The following PTPRN2 variants were observed in gnomAD, a reference collection of about 807,000 sequenced individuals.
PTPRN2 encodes the protein protein tyrosine phosphatase receptor type N2.
In PTPRN2, 74 loss-of-function variants were observed where a neutral mutation model predicts 118.8. That is an observed-to-expected ratio of 0.62 (90% CI 0.52 to 0.76). The LOEUF is 0.76. PTPRN2 is among the 30% of genes least tolerant of loss of function. The probability of loss-of-function intolerance (pLI) is 0.00; values close to 1 mark genes in which losing one functional copy is unlikely to be tolerated. For missense variants in PTPRN2, 1,481 were observed against 1,394.4 expected (o/e 1.06, Z -0.99); for synonymous variants, 641 against 608.0 (o/e 1.05, Z -0.80).
rs1250267989 is a variant in PTPRN2 at position 157,784,257 on chromosome 7, G to C, written c.1789-101320C>G. ...GGCCTAGTTGGAAAGGCACCAACTA[G>C]GTCTCAGGAGGCCAAGTGGGGGGCC... On this transcript the variant is annotated intron_variant, in intron 12 of 22. Coordinates refer to ENST00000389418, the MANE Select transcript of PTPRN2 (RefSeq NM_002847.5). This position sits in a 1 kb window ranked among gnomAD's most constrained non-coding sequence, Gnocchi z 4.6. Among the ~76,000 whole-genome samples the C allele has an allele frequency of 6.6e-6, 1 of 152,148 alleles. No individual in the cohort carries two copies. The highest frequency in any genetic ancestry group is 1.5e-5 in the Non-Finnish European group (1 of 68,038).
At position 158,188,232 on chromosome 7, in the gene PTPRN2, ACGCTTGCCCCGCGATGGGGAAGGCCG is replaced by A. The variant is rs1563576600; in HGVS notation, c.549+4069_549+4094del. Among the ~76,000 whole-genome samples, 361 of 68,066 alleles carry A rather than the reference ACGCTTGCCCCGCGATGGGGAAGGCCG, an allele frequency of 5.3e-3. 14 individuals carry two copies. The highest frequency in any genetic ancestry group is 0.016 in the African/African-American group (342 of 20,994). The allele number at this position is 68,066 out of a possible 152,430, so 44.7% of individuals were successfully genotyped here. ...TCGCCGCCTGATGGGGAAGGCCGCCACGCTTGCCCCGCGATGGGGAAGGCCGCCACGCTCGCCCCCTGTATGGGGAA... is the reference window on the plus strand; with the variant it reads ...TCGCCGCCTGATGGGGAAGGCCGCCACCACGCTCGCCCCCTGTATGGGGAA... On this transcript the variant is annotated intron_variant, in intron 5 of 22. Transcript: ENST00000389418.
chr7:157,649,025 A>G (rs1288517285), intron 14 of PTPRN2, among the ~76,000 whole-genome samples: 2 of 138,922 alleles, frequency 1.4e-5, no homozygotes, highest in Non-Finnish European at 3.1e-5. Flanking sequence ...TTCACTGTGC[A>G]CTGAACTCGG....
chr7:158,336,470 C>G (rs1420391420), intron 2 of PTPRN2, among the ~76,000 whole-genome samples: 2 of 133,030 alleles, frequency 1.5e-5, no homozygotes, highest in African/African-American at 2.7e-5. Context: ...CACCCACACT[C>G]TCACCATAAG....
At chr7:158,522,203 A>G (rs1255910877) in intron 1 of PTPRN2, among the ~76,000 whole-genome samples, 1 of 79,206 alleles carries the variant, frequency 1.3e-5, no homozygotes, top group African/African-American at 5.8e-5. Context: ...GGTCCACGTC[A>G]CAATGGTGGA....
At chr7:158,296,519 G>C (rs1234533874) in intron 3 of PTPRN2, among the ~76,000 whole-genome samples, 2 of 152,230 alleles carry the variant, frequency 1.3e-5, no homozygotes, top group Non-Finnish European at 2.9e-5. Context: ...ATAAGGCAGA[G>C]GGTCTAATTG....
At chr7:158,044,170 C>G (rs1287717321) in intron 11 of PTPRN2, among the ~76,000 whole-genome samples, 2 of 152,172 alleles carry the variant, frequency 1.3e-5, no homozygotes, top group Non-Finnish European at 2.9e-5. Context: ...TAAAAGTCAG[C>G]AACTGAAGAA....
chr7:158,366,325 A>ACACC (rs1809509802), intron 2 of PTPRN2, among the ~76,000 whole-genome samples: 1 of 144,764 alleles, frequency 6.9e-6, no homozygotes, highest in South Asian at 2.2e-4. Flanking sequence ...AAATGCACAC[A>ACACC]CACACCCACA....
chr7:158,060,733 A>G (rs536744598), intron 11 of PTPRN2, among the ~76,000 whole-genome samples: 50 of 152,350 alleles, frequency 3.3e-4, no homozygotes, highest in African/African-American at 1.1e-3. Flanking sequence ...GCAGCCTGCT[A>G]GAGACATTGC....
chr7:157,925,515 C>A (rs537344052), intron 11 of PTPRN2, among the ~76,000 whole-genome samples: 1 of 152,372 alleles, frequency 6.6e-6, no homozygotes, highest in Admixed American at 6.5e-5. Flanking sequence ...GGGTCCCAAC[C>A]TGGCCTGGCC....
chr7:157,585,926 T>TGACC lies in PTPRN2; in HGVS notation c.2497-7790_2497-7787dup, dbSNP rs1800647592. 6.6e-6 allele frequency among the ~76,000 whole-genome samples: 1 copy of TGACC among 152,188 alleles called. No individual in the cohort carries two copies. Among genetic ancestry groups the TGACC allele is most frequent in the South Asian group, 2.1e-4 (1 of 4,832 alleles). The stretch of plus-strand genomic sequence containing the variant: ...ATTCCGCATGTGTGCGGCGAGAGAC[T>TGACC]GACCGACCATCTTTGCACTGTCCCA... On this transcript the variant is annotated intron_variant, in intron 17 of 22. Transcript: ENST00000389418. The surrounding 1 kb of genome is among the most constrained non-coding windows in gnomAD (Gnocchi z 5.2).
chr7:158,198,763 G>A (rs71545573), intron 4 of PTPRN2, among the ~76,000 whole-genome samples: 54 of 28,396 alleles, frequency 1.9e-3, no homozygotes, highest in African/African-American at 3.7e-3. Context: ...GGCTTCTCAG[G>A]TCCTCCTTAG....
intron 12 of PTPRN2, among the ~76,000 whole-genome samples, chr7:157,752,551 T>C (rs1801541104): frequency 6.6e-6 from 1 of 152,194 alleles, no homozygotes; most frequent in African/African-American, 2.4e-5. Context: ...TCTGCTTCCC[T>C]GTTTCCAGCT....
At chr7:158,352,198 A>T (rs1436070437) in intron 2 of PTPRN2, among the ~76,000 whole-genome samples, 5 of 882 alleles carry the variant, frequency 5.7e-3, no homozygotes, top group African/African-American at 0.043. Flanking sequence ...TCCCCTCCTG[A>T]CTGCTCCCCT....
Position 158,388,693 on chromosome 7 carries a change from G to A in PTPRN2, c.164-71761C>T, listed in dbSNP as rs548130526. 2.0e-5 allele frequency among the ~76,000 whole-genome samples: 3 copies of A among 152,248 alleles called. No homozygotes were observed. In the South Asian group the frequency reaches 6.2e-4, roughly 32 times the overall value. On this transcript the variant is annotated intron_variant, in intron 2 of 22. Transcript: ENST00000389418. ...TGGCCATTGGTGATTAACCCCCCAA[G>A]AGTTGGGGGGGCCTGAAAGGCCCAA...
intron 9 of PTPRN2, among the ~76,000 whole-genome samples, chr7:158,113,425 G>A (rs1816453729): frequency 6.6e-6 from 1 of 152,204 alleles, no homozygotes; most frequent in East Asian, 1.9e-4. Context: ...GATGAGACAA[G>A]GTGCTGGATG....
chr7:158,231,680 T>C (rs1219475197), intron 3 of PTPRN2, among the ~76,000 whole-genome samples: 1 of 152,196 alleles, frequency 6.6e-6, no homozygotes, highest in Non-Finnish European at 1.5e-5. Flanking sequence ...ATTCTTTTCA[T>C]CAGAGCATGA....
chr7:158,537,571 T>G (rs1160946599), intron 1 of PTPRN2: 2 of 152,412 alleles, frequency 1.3e-5, no homozygotes, highest in Non-Finnish European at 2.9e-5. Context: ...TGCGCTCCCT[T>G]CCACTCAGCC....
intron 3 of PTPRN2, among the ~76,000 whole-genome samples, chr7:158,273,211 G>A (rs547326502): frequency 1.3e-4 from 20 of 152,308 alleles, no homozygotes; most frequent in African/African-American, 3.6e-4. Context: ...TGGAGCTCCA[G>A]GCAGCCTCTC....
intron 12 of PTPRN2, among the ~76,000 whole-genome samples, chr7:157,711,517 C>T (rs1010529184): frequency 6.6e-5 from 10 of 152,228 alleles, no homozygotes; most frequent in Non-Finnish European, 1.0e-4. Flanking sequence ...CCTGGCCCTT[C>T]ACCACGTGGG....
Sources: gnomAD v4.1 joint callset for allele counts (sites outside exome capture counted in the v4.1 genomes callset) on GRCh38, gnomAD v4.1.1 for gene constraint, Gnocchi (gnomAD v3.1) non-coding constraint, MANE v1.5 for transcripts, NCBI Gene and HGNC (gene_info 2026-07-23, HGNC 2026-07-21) for gene names.